SAMD3: variants seen among roughly 807,000 people sequenced by gnomAD.
SAMD3 encodes sterile alpha motif domain-containing protein 3.
A neutral mutation model predicts 58.5 loss-of-function variants in SAMD3; 63 were observed. The observed-to-expected ratio is 1.08, with a 90% CI of 0.88 to 1.33. The LOEUF (loss-of-function observed/expected upper bound fraction) is 1.33. Ranked by LOEUF, SAMD3 falls within the 40% of genes most tolerant of loss-of-function variation. SAMD3 has a pLI of 0.00. For synonymous variants in SAMD3, 220 were observed against 210.3 expected, an observed-to-expected ratio of 1.05 and a Z score of -0.40; for missense variants, 604 against 608.4, an observed-to-expected ratio of 0.99 and a Z score of 0.08.
At chr6:130,355,784 C>T (rs1413113669) in intron 1 of SAMD3, among the ~76,000 whole-genome samples, 1 of 152,172 alleles carries the variant, frequency 6.6e-6, no homozygotes, top group African/African-American at 2.4e-5. Flanking sequence ...ACAAGAGGGG[C>T]AGCCCCAGAA....
chr6:130,166,436 C>A (rs1039480358), intron 8 of SAMD3, among the ~76,000 whole-genome samples: 1 of 152,178 alleles, frequency 6.6e-6, no homozygotes, highest in African/African-American at 2.4e-5. Context: ...TTTCTCAACA[C>A]CAGTTACAAA....
chr6:130,323,681 T>C (rs9492550), intron 1 of SAMD3, among the ~76,000 whole-genome samples: 67,560 of 151,236 alleles, frequency 0.45, 17,421 homozygotes, highest in African/African-American at 0.72. Context: ...CATGTGCCTG[T>C]AATCCCAGCT....
chr6:130,207,178 A>G (rs1291321424), intron 5 of SAMD3, among the ~76,000 whole-genome samples: 1 of 139,484 alleles, frequency 7.2e-6, no homozygotes, highest in Non-Finnish European at 1.6e-5. Context: ...AAAAAGAAAA[A>G]AAAGAAAAAG....
downstream of SAMD3, chr6:130,144,022 A>C (rs1428526037): frequency 6.5e-6 from 1 of 154,048 alleles, no homozygotes; most frequent in African/African-American, 2.4e-5. Context: ...GATTAAAGAC[A>C]ACCAGATCTC....
chr6:130,152,077 G>C (rs870815), intron 9 of SAMD3, among the ~76,000 whole-genome samples: 1 of 151,964 alleles, frequency 6.6e-6, no homozygotes, highest in Non-Finnish European at 1.5e-5. Flanking sequence ...TGGAGGTGAT[G>C]GGGGGTCAGT....
At chr6:130,348,266 A>C (rs1371265530) in intron 1 of SAMD3, among the ~76,000 whole-genome samples, 1 of 152,236 alleles carries the variant, frequency 6.6e-6, no homozygotes, top group African/African-American at 2.4e-5. Context: ...TGCTCCAATT[A>C]AAAGAGACAG....
chr6:130,194,096 A>T (rs2114752004), intron 5 of SAMD3, among the ~76,000 whole-genome samples: 1 of 151,750 alleles, frequency 6.6e-6, no homozygotes, highest in African/African-American at 2.4e-5. Context: ...ACCCCTCCTC[A>T]CACCCAGTCT....
chr6:130,145,967 T>C (rs2114540245), intron 10 of SAMD3, 43 bp downstream of exon 10: 1 of 1,224,728 alleles, frequency 8.2e-7, no homozygotes, highest in African/African-American at 1.5e-5. Flanking sequence ...GATATTCTGA[T>C]AAATAACAGA....
chr6:130,193,763 C>G (rs1273668729), intron 5 of SAMD3, among the ~76,000 whole-genome samples: 1 of 152,218 alleles, frequency 6.6e-6, no homozygotes, highest in Non-Finnish European at 1.5e-5. Flanking sequence ...ATGGCACTTT[C>G]AAGTTTTCCA....
chr6:130,320,066 A>G (rs1470353286), intron 1 of SAMD3, among the ~76,000 whole-genome samples: 1 of 152,110 alleles, frequency 6.6e-6, no homozygotes, highest in South Asian at 2.1e-4. Flanking sequence ...GGAATAATAC[A>G]AACTATTCAA....
In SAMD3 at chr6:130,221,078, T is replaced by C. The variant is rs1343073743; in HGVS notation, c.-68+1616A>G. Among the ~76,000 whole-genome samples the C allele has an allele frequency of 2.0e-5, 3 of 152,026 alleles. No homozygotes were observed. In the East Asian group the frequency reaches 5.8e-4, roughly 29 times the overall value. On this transcript the variant is annotated intron_variant, in intron 1 of 11. Coordinates refer to ENST00000439090, the MANE Select transcript of SAMD3 (RefSeq NM_001017373.4). Reference sequence around the variant, plus strand: ...ACTGTGTTAGCCAGGATGGTCTCGATCTCCTGACCTTGTGATCTGCCCACC... The same window carrying C: ...ACTGTGTTAGCCAGGATGGTCTCGACCTCCTGACCTTGTGATCTGCCCACC...
chr6:130,354,356 C>G (rs917126420), intron 1 of SAMD3, among the ~76,000 whole-genome samples: 1 of 152,116 alleles, frequency 6.6e-6, no homozygotes, highest in African/African-American at 2.4e-5. Flanking sequence ...ATTGTTCTAT[C>G]ATAAAGACAC....
chr6:130,328,958 A>C (rs1194017186), intron 1 of SAMD3, among the ~76,000 whole-genome samples: 1 of 152,188 alleles, frequency 6.6e-6, no homozygotes, highest in Non-Finnish European at 1.5e-5. Context: ...TGTCAGAGGG[A>C]AACGAGAATA....
intron 2 of SAMD3, among the ~76,000 whole-genome samples, chr6:130,302,306 G>A (rs1775775262): frequency 6.6e-6 from 1 of 152,006 alleles, no homozygotes; most frequent in Non-Finnish European, 1.5e-5. Context: ...ATATACAAGA[G>A]GCCAACAAAC....
intron 4 of SAMD3, 55 bp downstream of exon 4, chr6:130,214,282 C>A: frequency 7.1e-7 from 1 of 1,413,112 alleles, no homozygotes; most frequent in Non-Finnish European, 9.5e-7. Context: ...CACGCTCTAG[C>A]CATCATTGGG....
chr6:130,242,395 G>A (rs934282610), intron 2 of SAMD3, among the ~76,000 whole-genome samples: 5 of 152,242 alleles, frequency 3.3e-5, no homozygotes, highest in Non-Finnish European at 4.4e-5. Context: ...TGGCCCACTG[G>A]CAGTAGTTTG....
At chr6:130,329,915 G>C (rs1279238264) in intron 1 of SAMD3, among the ~76,000 whole-genome samples, 1 of 151,672 alleles carries the variant, frequency 6.6e-6, no homozygotes, top group Non-Finnish European at 1.5e-5. Context: ...GGGCCTGTTG[G>C]GGGGTGGGGG....
intron 1 of SAMD3, among the ~76,000 whole-genome samples, chr6:130,350,155 C>G (rs1777606634): frequency 6.6e-6 from 1 of 152,106 alleles, no homozygotes; most frequent in South Asian, 2.1e-4. Flanking sequence ...CCTTTGAAAA[C>G]TGGCACAAGA....
At chr6:130,182,708 A>G (rs1160591271) in intron 7 of SAMD3, among the ~76,000 whole-genome samples, 1 of 152,144 alleles carries the variant, frequency 6.6e-6, no homozygotes, top group African/African-American at 2.4e-5. Context: ...ACAGAGCCTT[A>G]AAATGTCTTT....
Sources: gnomAD v4.1 joint callset for allele counts (sites outside exome capture counted in the v4.1 genomes callset) on GRCh38, gnomAD v4.1.1 for gene constraint, MANE v1.5 for transcripts, NCBI Gene and HGNC (gene_info 2026-07-23, HGNC 2026-07-21) for gene names.